The following DOK5 variants were observed in gnomAD, a reference collection of about 807,000 sequenced individuals.
DOK5 encodes docking protein 5, also known as downstream of tyrosine kinase 5.
DOK5 carries 27 observed loss-of-function variants against 43.3 expected under a neutral mutation model. That is an observed-to-expected ratio of 0.62 (90% CI 0.46 to 0.86). The LOEUF (loss-of-function observed/expected upper bound fraction) is 0.86, where lower values mean the gene tolerates loss of function less well. DOK5 is among the 40% of genes least tolerant of loss of function. The pLI is 0.00. For missense variants in DOK5, 373 were observed against 392.9 expected, an observed-to-expected ratio of 0.95 and a Z score of 0.43; for synonymous variants, 146 against 140.1, an observed-to-expected ratio of 1.04 and a Z score of -0.30.
chr20:54,637,165 T>C (rs1325224591), intron 6 of DOK5, among the ~76,000 whole-genome samples: 2 of 152,210 alleles, frequency 1.3e-5, no homozygotes, highest in Non-Finnish European at 2.9e-5. Flanking sequence ...GTAACATGGG[T>C]CTCGTACTGC....
At chr20:54,558,465 A>G (rs902853953) in intron 2 of DOK5, among the ~76,000 whole-genome samples, 12 of 152,184 alleles carry the variant, frequency 7.9e-5, no homozygotes, top group African/African-American at 2.9e-4. Context: ...CCTGTAGCTG[A>G]TTCATCCTCT....
At chr20:54,563,124 T>C (rs1984966907) in intron 2 of DOK5, among the ~76,000 whole-genome samples, 1 of 152,064 alleles carries the variant, frequency 6.6e-6, no homozygotes, top group African/African-American at 2.4e-5. Context: ...GTAGGATAGA[T>C]GCATGGAACA....
intron 1 of DOK5, among the ~76,000 whole-genome samples, chr20:54,486,895 G>A (rs760336598): frequency 5.3e-5 from 8 of 152,082 alleles, no homozygotes; most frequent in Non-Finnish European, 1.0e-4. Context: ...TGAGAACCAT[G>A]GCCTTGGTGG....
At position 54,579,551 on chromosome 20, in the gene DOK5, C is replaced by A. The variant is rs752837545; in HGVS notation, c.175-8932C>A. 2.0e-5 allele frequency among the ~76,000 whole-genome samples: 3 copies of A among 152,176 alleles called. No homozygotes were observed. In the East Asian group the frequency reaches 5.8e-4, roughly 29 times the overall value. On this transcript the variant is annotated intron_variant, in intron 2 of 7. Transcript: ENST00000262593. ...AATTCTATATTCGTTAAACAGCAAC[C>A]TCCCATTCCCCTCTCCCTGCAGTCC...
chr20:54,591,495 GAATATGCAACCGA>G, intron 4 of DOK5, 108 bp from the exon 5 acceptor site: 1 of 715,402 alleles, frequency 1.4e-6, no homozygotes, highest in Non-Finnish European at 2.2e-6. Context: ...TTATCTTTCT[GAATATGCAACCGA>G]AATCTAGAAT....
At chr20:54,547,937 C>T (rs1384410905) in intron 1 of DOK5, among the ~76,000 whole-genome samples, 1 of 152,146 alleles carries the variant, frequency 6.6e-6, no homozygotes, top group Non-Finnish European at 1.5e-5. Flanking sequence ...TCAGCTGTGG[C>T]AGTGGTCCTC....
At chr20:54,579,876 A>C (rs1985581639) in intron 2 of DOK5, among the ~76,000 whole-genome samples, 1 of 151,876 alleles carries the variant, frequency 6.6e-6, no homozygotes, top group African/African-American at 2.4e-5. Flanking sequence ...GGTTGGCTGC[A>C]CCCATCAACC....
At chr20:54,486,608 T>G (rs1568749439) in intron 1 of DOK5, among the ~76,000 whole-genome samples, 1 of 152,056 alleles carries the variant, frequency 6.6e-6, no homozygotes, top group Non-Finnish European at 1.5e-5. Flanking sequence ...GGTGCATTAG[T>G]TTATTTTTGT....
At chr20:54,604,515 C>T (rs1986403653) in intron 5 of DOK5, among the ~76,000 whole-genome samples, 1 of 151,834 alleles carries the variant, frequency 6.6e-6, no homozygotes, top group African/African-American at 2.4e-5. Context: ...GATCTTGTCT[C>T]TCCAAATTAA....
chr20:54,600,314 T>C (rs1317944603), intron 5 of DOK5, among the ~76,000 whole-genome samples: 1 of 152,120 alleles, frequency 6.6e-6, no homozygotes, highest in African/African-American at 2.4e-5. Flanking sequence ...AGGGGCTGTG[T>C]AGAGTTGGAC....
chr20:54,557,974 T>C (rs1195955464), intron 2 of DOK5, among the ~76,000 whole-genome samples: 1 of 152,228 alleles, frequency 6.6e-6, no homozygotes, highest in Non-Finnish European at 1.5e-5. Flanking sequence ...CACTATTAGT[T>C]ACCAGAATCT....
chr20:54,609,326 A>G (rs1986568510), intron 5 of DOK5, among the ~76,000 whole-genome samples: 1 of 152,194 alleles, frequency 6.6e-6, no homozygotes. Flanking sequence ...TGTGTCTTAG[A>G]ATAATTCGGC....
intron 1 of DOK5, among the ~76,000 whole-genome samples, chr20:54,480,645 G>A (rs2146654947): frequency 6.6e-6 from 1 of 152,210 alleles, no homozygotes; most frequent in South Asian, 2.1e-4. Context: ...ATTCTTTGCT[G>A]TGAGAGATCC....
intron 7 of DOK5, among the ~76,000 whole-genome samples, chr20:54,648,035 G>A (rs1160879230): frequency 6.6e-6 from 1 of 152,142 alleles, no homozygotes; most frequent in Non-Finnish European, 1.5e-5. Flanking sequence ...TAACATACAT[G>A]ATCTCATTTA....
At chr20:54,609,523 G>A (rs570814073) in intron 5 of DOK5, among the ~76,000 whole-genome samples, 53 of 150,790 alleles carry the variant, frequency 3.5e-4, no homozygotes, top group African/African-American at 1.2e-3. Flanking sequence ...TATATATATA[G>A]CATATATACA....
At chr20:54,556,477 T>A (rs1047929092) in intron 2 of DOK5, among the ~76,000 whole-genome samples, 6 of 152,214 alleles carry the variant, frequency 3.9e-5, no homozygotes, top group Admixed American at 1.3e-4. Context: ...AACTCTCCAC[T>A]TTTATAACAC....
chr20:54,604,366 C>T (rs1339576352), intron 5 of DOK5, among the ~76,000 whole-genome samples: 1 of 151,440 alleles, frequency 6.6e-6, no homozygotes, highest in Non-Finnish European at 1.5e-5. Flanking sequence ...CTGTTTCTCT[C>T]AGGTTTTTGG....
At chr20:54,600,052 C>T (rs768395653) in intron 5 of DOK5, among the ~76,000 whole-genome samples, 39 of 152,204 alleles carry the variant, frequency 2.6e-4, no homozygotes, top group Admixed American at 2.0e-3. Context: ...TTACTGAGTA[C>T]GTAATCTTAA....
intron 1 of DOK5, among the ~76,000 whole-genome samples, chr20:54,493,175 A>G (rs1342688874): frequency 2.0e-5 from 3 of 152,002 alleles, no homozygotes; most frequent in Admixed American, 1.3e-4. Context: ...ATTGAATCTA[A>G]TTCTATCCTA....
Sources: allele counts gnomAD v4.1 joint callset (sites outside exome capture counted in the v4.1 genomes callset), GRCh38; gene constraint gnomAD v4.1.1; transcripts MANE v1.5; gene names NCBI Gene and HGNC (gene_info 2026-07-23, HGNC 2026-07-21).